Variants in IQGAP2 observed in about 807,000 individuals in gnomAD.
IQGAP2 encodes ras GTPase-activating-like protein IQGAP2.
In IQGAP2, 173 loss-of-function variants were observed where a neutral mutation model predicts 201.3. That is an observed-to-expected ratio of 0.86 (90% CI 0.76 to 0.98). The LOEUF (loss-of-function observed/expected upper bound fraction) is 0.98, where lower values mean the gene tolerates loss of function less well. IQGAP2 is among the 50% of genes least tolerant of loss of function. The pLI is 0.00. For missense variants in IQGAP2, 1,687 were observed against 1,864.8 expected, an observed-to-expected ratio of 0.90 and a Z score of 1.76; for synonymous variants, 675 against 673.9, an observed-to-expected ratio of 1.00 and a Z score of -0.03.
chr5:76,606,049 T>C (rs1747781810), intron 11 of IQGAP2, 130 bp from the exon 12 acceptor site: 1 of 706,986 alleles, frequency 1.4e-6, no homozygotes, highest in Admixed American at 3.3e-5. Flanking sequence ...CACAAGACAA[T>C]TTTATTTGCC....
At chr5:76,504,060 G>A (rs1301984857) in intron 2 of IQGAP2, among the ~76,000 whole-genome samples, 1 of 152,208 alleles carries the variant, frequency 6.6e-6, no homozygotes, top group Non-Finnish European at 1.5e-5. Context: ...CTGAATCCCT[G>A]AATGATCAAA....
intron 2 of IQGAP2, among the ~76,000 whole-genome samples, chr5:76,560,002 G>GT (rs1187909559): frequency 3.3e-5 from 5 of 151,910 alleles, no homozygotes; most frequent in African/African-American, 1.2e-4. Context: ...TACTTTTTTT[G>GT]TTTTTCCAGT....
chr5:76,530,703 C>T (rs953504320), intron 2 of IQGAP2, among the ~76,000 whole-genome samples: 11 of 152,182 alleles, frequency 7.2e-5, no homozygotes, highest in African/African-American at 2.7e-4. Context: ...TCTTTATTCT[C>T]CATGTGTCAG....
At chr5:76,637,291 G>A (rs1303911300) in intron 16 of IQGAP2, 115 bp downstream of exon 16, 3 of 824,934 alleles carry the variant, frequency 3.6e-6, no homozygotes, top group Non-Finnish European at 5.5e-6. Context: ...CTGAAGTCTG[G>A]ATATGTAATA....
chr5:76,517,721 A>G (rs1758423001), intron 2 of IQGAP2, among the ~76,000 whole-genome samples: 1 of 152,116 alleles, frequency 6.6e-6, no homozygotes, highest in Non-Finnish European at 1.5e-5. Context: ...GGTAGCAACA[A>G]CTAGAAGTTA....
At chr5:76,571,341 A>G (rs776123804) in intron 4 of IQGAP2, among the ~76,000 whole-genome samples, 25 of 151,886 alleles carry the variant, frequency 1.6e-4, no homozygotes, top group Admixed American at 9.8e-4. Flanking sequence ...TGCCCAGCTA[A>G]TTTTTGTTTT....
intron 13 of IQGAP2, chr5:76,623,341 G>C (rs982888367): frequency 9.0e-6 from 12 of 1,332,968 alleles, no homozygotes; most frequent in Admixed American, 7.5e-5. Context: ...TGGTCTGTCT[G>C]TAGAAGTTTG....
At chr5:76,683,628 G>A (rs1268064353) in intron 29 of IQGAP2, 148 bp from the exon 30 acceptor site, 1 of 583,470 alleles carries the variant, frequency 1.7e-6, no homozygotes, top group Non-Finnish European at 2.8e-6. Context: ...AGCCACTTTA[G>A]CTATAGTAGA....
At chr5:76,581,255 C>T (rs1745831063) in intron 5 of IQGAP2, among the ~76,000 whole-genome samples, 1 of 152,210 alleles carries the variant, frequency 6.6e-6, no homozygotes, top group African/African-American at 2.4e-5. Flanking sequence ...ACACTCTGTT[C>T]CCTTAGAACC....
chr5:76,559,764 G>A (rs990415525), intron 2 of IQGAP2, among the ~76,000 whole-genome samples: 6 of 152,270 alleles, frequency 3.9e-5, no homozygotes, highest in East Asian at 1.9e-4. Context: ...CCAGGTCTGC[G>A]TGGGTTTTCT....
Position 76,570,449 on chromosome 5 carries a change from G to A in IQGAP2, c.304-131G>A. 4.4e-6 allele frequency: 3 copies of A among 677,710 alleles called. No individual in the cohort carries two copies. In the South Asian group the frequency reaches 5.3e-5, roughly 12 times the overall value. 42.0% of individuals were successfully genotyped at this position (677,710 alleles called of 1,614,324 possible). ...TTTAGCACGCCTCTGTTTGCTTTATGTGAACATTAATAACTCTGTTCCAGG... is the reference window on the plus strand; with the variant it reads ...TTTAGCACGCCTCTGTTTGCTTTATATGAACATTAATAACTCTGTTCCAGG... On this transcript the variant is annotated intron_variant, in intron 3 of 35. Transcript: ENST00000274364.
intron 2 of IQGAP2, among the ~76,000 whole-genome samples, chr5:76,551,611 G>A (rs557069424): frequency 6.8e-4 from 103 of 152,030 alleles, no homozygotes; most frequent in Non-Finnish European, 9.9e-4. Flanking sequence ...CCGGCACCTC[G>A]GGAGGCCGAG....
chr5:76,627,634 G>A (rs2455222), intron 14 of IQGAP2, 134 bp downstream of exon 14: 323,448 of 590,544 alleles, frequency 0.55, 89,750 homozygotes, highest in Middle Eastern at 0.61. Context: ...TAATTATACC[G>A]AAATTAGTTG....
chr5:76,612,794 T>C (rs1180023867), intron 13 of IQGAP2, among the ~76,000 whole-genome samples: 4 of 152,128 alleles, frequency 2.6e-5, no homozygotes, highest in Non-Finnish European at 5.9e-5. Context: ...AAAATATTTC[T>C]GGAGGGAGGA....
At chr5:76,612,096 C>T (rs756141924) in intron 13 of IQGAP2, among the ~76,000 whole-genome samples, 2 of 152,190 alleles carry the variant, frequency 1.3e-5, no homozygotes, top group African/African-American at 2.4e-5. Flanking sequence ...ATTTAATCAT[C>T]ACAACAATTC....
intron 2 of IQGAP2, among the ~76,000 whole-genome samples, chr5:76,536,355 G>A (rs1318191684): frequency 1.3e-5 from 2 of 151,080 alleles, no homozygotes. Flanking sequence ...ACAGGCGTGA[G>A]CTACCACGCC....
Position 76,651,698 on chromosome 5 carries a change from C to T in IQGAP2, c.2095-1052C>T, listed in dbSNP as rs375916760. Among the ~76,000 whole-genome samples the T allele has an allele frequency of 2.0e-5, 3 of 152,070 alleles. 1 individual carries two copies. Among genetic ancestry groups the T allele is most frequent in the East Asian group, 1.9e-4 (1 of 5,184 alleles). Reference sequence around the variant, plus strand: ...GGAACTCATTGTATAATCTTTTGTCCTTCCTGTGAGTCGATGATTCTTTCC... The same window carrying T: ...GGAACTCATTGTATAATCTTTTGTCTTTCCTGTGAGTCGATGATTCTTTCC... On this transcript the variant is annotated intron_variant, in intron 17 of 35. Transcript: ENST00000274364.
At chr5:76,653,966 A>G (rs1189047155) in intron 18 of IQGAP2, among the ~76,000 whole-genome samples, 1 of 152,208 alleles carries the variant, frequency 6.6e-6, no homozygotes, top group African/African-American at 2.4e-5. Context: ...CTCTCTTATT[A>G]AGGTGGTGAA....
chr5:76,624,539 A>T (rs1343665405), intron 13 of IQGAP2: 1 of 152,240 alleles, frequency 6.6e-6, no homozygotes, highest in Non-Finnish European at 1.5e-5. Context: ...ACTGAGATAG[A>T]ATGTTATTAT....
Sources: allele counts gnomAD v4.1 joint callset (sites outside exome capture counted in the v4.1 genomes callset), GRCh38; gene constraint gnomAD v4.1.1; transcripts MANE v1.5; gene names NCBI Gene and HGNC (gene_info 2026-07-23, HGNC 2026-07-21).